DOCK4: variants seen among roughly 807,000 people sequenced by gnomAD.
DOCK4 encodes the protein dedicator of cytokinesis 4.
In DOCK4, 97 loss-of-function variants were observed where a neutral mutation model predicts 268.1. The ratio of observed to expected loss-of-function variants is 0.36; its 90% CI spans 0.31 to 0.43. DOCK4 has a LOEUF of 0.43. DOCK4 is among the 20% of genes least tolerant of loss of function. DOCK4 has a pLI of 1.00. For missense variants in DOCK4, 2,145 were observed against 2,455.7 expected, an observed-to-expected ratio of 0.87 and a Z score of 2.67; for synonymous variants, 954 against 887.2, an observed-to-expected ratio of 1.08 and a Z score of -1.34.
At chr7:111,863,309 T>C (rs1370279601) in intron 23 of DOCK4, 63 bp downstream of exon 23, 3 of 1,584,940 alleles carry the variant, frequency 1.9e-6, no homozygotes, top group Non-Finnish European at 2.6e-6. Flanking sequence ...TGCTGACCAA[T>C]GGCTACAAAA....
chr7:112,049,860 T>A (rs1563033163), intron 1 of DOCK4, among the ~76,000 whole-genome samples: 1 of 152,194 alleles, frequency 6.6e-6, no homozygotes, highest in Non-Finnish European at 1.5e-5. Context: ...AACGTCTCTA[T>A]CAAGTCAGAT....
At chr7:111,974,127 A>G (rs901454330) in intron 8 of DOCK4, among the ~76,000 whole-genome samples, 4 of 152,158 alleles carry the variant, frequency 2.6e-5, no homozygotes, top group Non-Finnish European at 5.9e-5. Flanking sequence ...ACAAGAGCCA[A>G]GCCCAGTCTT....
intron 42 of DOCK4, among the ~76,000 whole-genome samples, chr7:111,750,004 T>A (rs1796527661): frequency 6.6e-6 from 1 of 152,210 alleles, no homozygotes; most frequent in Non-Finnish European, 1.5e-5. Flanking sequence ...TGCAAAGATA[T>A]GTGATAGAGT....
Position 111,944,820 on chromosome 7 carries a change from T to C in DOCK4, c.835A>G (p.Ile279Val). 1 of 1,613,938 alleles carries C rather than the reference T, an allele frequency of 6.2e-7. No individual in the cohort carries two copies. Among genetic ancestry groups the C allele is most frequent in the Non-Finnish European group, 8.5e-7 (1 of 1,179,832 alleles). ...CAAGTGTTATACCTACCGATTCGGA[T>C]AATGTGCACGGTGATATAAATGTCC... is the stretch of plus-strand genomic sequence containing the variant. Reference protein sequence around the residue: ...RKDIYITVHIIRIGRMGAGEK... With the variant: ...RKDIYITVHIVRIGRMGAGEK... The change falls in exon 10 of 53, where the codon ATC (isoleucine) becomes GTC (valine). Residue 279 changes from isoleucine (I) to valine (V), a missense_variant. Coordinates refer to ENST00000428084, the MANE Select transcript of DOCK4 (RefSeq NM_001363540.2).
At position 112,018,974 on chromosome 7, in the gene DOCK4, T is replaced by C. The variant is rs12113692; in HGVS notation, c.38-14843A>G. Among the ~76,000 whole-genome samples, 447 of 152,304 alleles carry C rather than the reference T, an allele frequency of 2.9e-3. 3 individuals are homozygous for C. The highest frequency in any genetic ancestry group is 0.01 in the African/African-American group (430 of 41,562). On this transcript the variant is annotated intron_variant, in intron 1 of 52. Transcript: ENST00000428084. ...TTATTTTTCTGACCATCAACAGAGG[T>C]GACTTGGTCTGTCCATGAACTAAAT...
At chr7:112,127,001 G>A (rs1563110434) in intron 1 of DOCK4, among the ~76,000 whole-genome samples, 3 of 152,076 alleles carry the variant, frequency 2.0e-5, no homozygotes, top group Non-Finnish European at 2.9e-5. Context: ...AGTCAGTGTG[G>A]CCACTCCTCA....
intron 1 of DOCK4, among the ~76,000 whole-genome samples, chr7:112,031,068 G>A (rs973740648): frequency 2.0e-5 from 3 of 152,178 alleles, no homozygotes; most frequent in African/African-American, 7.2e-5. Context: ...AAAACAGCAG[G>A]AAGATTATAC....
intron 25 of DOCK4, among the ~76,000 whole-genome samples, chr7:111,844,351 C>T (rs1475552326): frequency 1.3e-5 from 2 of 152,162 alleles, no homozygotes; most frequent in East Asian, 1.9e-4. Flanking sequence ...AGAAAAGTTA[C>T]GATTCTGACT....
chr7:111,967,366 G>C (rs1797382450), intron 8 of DOCK4, among the ~76,000 whole-genome samples: 1 of 19,230 alleles, frequency 5.2e-5, no homozygotes. Flanking sequence ...AAAGTCTCAG[G>C]ATACAAAATC....
At chr7:111,760,422 A>G (rs749135353) in intron 39 of DOCK4, 100 bp from the exon 40 acceptor site, 29 of 1,219,996 alleles carry the variant, frequency 2.4e-5, no homozygotes, top group Non-Finnish European at 3.1e-5. Flanking sequence ...CACATGCCCC[A>G]TACCAAGACA....
At chr7:111,989,780 C>A (rs922054073) in intron 5 of DOCK4, among the ~76,000 whole-genome samples, 1 of 152,204 alleles carries the variant, frequency 6.6e-6, no homozygotes, top group Non-Finnish European at 1.5e-5. Flanking sequence ...CTGTGGAATT[C>A]ATTTAAGCTC....
At chr7:111,922,738 C>A (rs1326723316) in intron 12 of DOCK4, among the ~76,000 whole-genome samples, 2 of 152,136 alleles carry the variant, frequency 1.3e-5, no homozygotes. Context: ...TGCGCCACCA[C>A]ACCCAGCTAA....
intron 1 of DOCK4, among the ~76,000 whole-genome samples, chr7:112,194,677 T>C (rs913105478): frequency 6.6e-6 from 1 of 152,206 alleles, no homozygotes; most frequent in African/African-American, 2.4e-5. Context: ...TTTCTGATTA[T>C]AAAAGAAATG....
intron 1 of DOCK4, among the ~76,000 whole-genome samples, chr7:112,049,498 G>T (rs747544718): frequency 4.7e-4 from 71 of 151,990 alleles, no homozygotes; most frequent in Non-Finnish European, 8.8e-4. Context: ...AAGACAAATA[G>T]AATACATATA....
intron 1 of DOCK4, among the ~76,000 whole-genome samples, chr7:112,093,029 G>A (rs887543660): frequency 1.3e-5 from 2 of 152,012 alleles, no homozygotes; most frequent in Non-Finnish European, 2.9e-5. Context: ...TCTCATATGG[G>A]CATCATTATG....
intron 1 of DOCK4, among the ~76,000 whole-genome samples, chr7:112,174,601 A>G (rs1818345013): frequency 6.6e-6 from 1 of 152,164 alleles, no homozygotes; most frequent in Non-Finnish European, 1.5e-5. Flanking sequence ...GATTACAGGG[A>G]AAAAAGGCAG....
Position 111,844,765 on chromosome 7 carries a change from T to C in DOCK4, c.2734A>G (p.Thr912Ala), listed in dbSNP as rs1803960495. ...SAMRFQFQDV[T>A]GEFVACLLSL... Reference sequence around the variant, plus strand: ...TGCCATCTGCTCTATGATCTTACAGTGACATCCTGGAACTGGAACCGCATT... The same window carrying C: ...TGCCATCTGCTCTATGATCTTACAGCGACATCCTGGAACTGGAACCGCATT... Residue 912 changes from threonine (T) to alanine (A), a missense_variant and splice_region_variant, in exon 25 of 53, where the codon ACT becomes GCT. Thr to Ala is a moderately conservative substitution (Grantham distance 58, BLOSUM62 0). This residue lies in a region of DOCK4 where 1,598 missense variants were observed against 1,986.7 expected (regional missense o/e 0.80). Coordinates refer to ENST00000428084, the MANE Select transcript of DOCK4 (RefSeq NM_001363540.2). 1 of 1,612,758 alleles carries C rather than the reference T, an allele frequency of 6.2e-7. No homozygotes were observed.
At chr7:111,767,243 TTTGAGA>T in intron 37 of DOCK4, 125 bp from the exon 38 acceptor site, 1 of 750,538 alleles carries the variant, frequency 1.3e-6, no homozygotes, top group Non-Finnish European at 2.1e-6. Flanking sequence ...TTTTTTTTTT[TTTGAGA>T]TGGAGTCTCA....
chr7:112,003,183 C>T (rs191319695), intron 2 of DOCK4, among the ~76,000 whole-genome samples: 28 of 152,000 alleles, frequency 1.8e-4, no homozygotes, highest in Admixed American at 3.3e-4. Flanking sequence ...GAGTTTGAGA[C>T]GAGCATGGGC....
Sources: allele counts gnomAD v4.1 joint callset (sites outside exome capture counted in the v4.1 genomes callset), GRCh38; gene constraint gnomAD v4.1.1; regional missense constraint gnomAD v4.1.1; transcripts MANE v1.5; gene names NCBI Gene and HGNC (gene_info 2026-07-23, HGNC 2026-07-21).